COL28A1: variants seen among roughly 807,000 people sequenced by gnomAD.
COL28A1 encodes the protein collagen type XXVIII alpha 1 chain.
COL28A1 carries 161 observed loss-of-function variants against 150.2 expected under a neutral mutation model. That is an observed-to-expected ratio of 1.07 (90% CI 0.94 to 1.22). The LOEUF is 1.22. Ranked by LOEUF, COL28A1 falls within the 50% of genes most tolerant of loss-of-function variation. COL28A1 has a pLI of 0.00. For synonymous variants in COL28A1, 552 were observed against 469.7 expected (o/e 1.18, Z -2.26); for missense variants, 1,617 against 1,388.3 (o/e 1.16, Z -2.62).
At chr7:7,389,425 T>C (rs1373269097) in intron 27 of COL28A1, among the ~76,000 whole-genome samples, 11 of 152,204 alleles carry the variant, frequency 7.2e-5, no homozygotes, top group Non-Finnish European at 1.5e-4. Context: ...TGAAGTCAGG[T>C]AGCGTAATCC....
chr7:7,501,198 T>C (rs765488618), intron 11 of COL28A1, among the ~76,000 whole-genome samples: 6 of 152,192 alleles, frequency 3.9e-5, no homozygotes, highest in Non-Finnish European at 5.9e-5. Context: ...TTAGGACAAA[T>C]ATCCTGCAGG....
intron 4 of COL28A1, among the ~76,000 whole-genome samples, chr7:7,522,893 G>A (rs1054660874): frequency 2.0e-5 from 3 of 148,722 alleles, no homozygotes; most frequent in East Asian, 2.0e-4. Context: ...GTGTTGGTCC[G>A]CATTCAAAGT....
intron 27 of COL28A1, among the ~76,000 whole-genome samples, chr7:7,388,039 A>G (rs1782295264): frequency 6.6e-6 from 1 of 151,852 alleles, no homozygotes; most frequent in Non-Finnish European, 1.5e-5. Flanking sequence ...TTTAAATTAT[A>G]ATTTCTGGGG....
chr7:7,424,428 C>T (rs759532225), intron 25 of COL28A1, among the ~76,000 whole-genome samples: 1 of 152,092 alleles, frequency 6.6e-6, no homozygotes, highest in Non-Finnish European at 1.5e-5. Flanking sequence ...TAAGGCAGCA[C>T]CGTAGGTACC....
rs891527937 is a variant in COL28A1, at chr7:7,458,329, T to A, written c.1303-2217A>T. 9.9e-5 allele frequency among the ~76,000 whole-genome samples: 15 copies of A among 152,032 alleles called. No individual in the cohort carries two copies. In the East Asian group the frequency reaches 2.7e-3, roughly 28 times the overall value. The stretch of plus-strand genomic sequence containing the variant: ...TACTCAGGAGGCTAAGGCAGGAGAA[T>A]CATTTGAACCGGGGAGGTGAATGGT... On this transcript the variant is annotated intron_variant, in intron 15 of 34. Transcript: ENST00000399429.
At chr7:7,387,315 T>A (rs1301010010) in intron 27 of COL28A1, among the ~76,000 whole-genome samples, 1 of 152,018 alleles carries the variant, frequency 6.6e-6, no homozygotes, top group Non-Finnish European at 1.5e-5. Flanking sequence ...AACTGCATAC[T>A]AAAAAGAGTA....
chr7:7,459,639 C>T (rs1191079636), intron 15 of COL28A1, among the ~76,000 whole-genome samples: 1 of 152,208 alleles, frequency 6.6e-6, no homozygotes, highest in East Asian at 1.9e-4. Flanking sequence ...CTGTATCAGC[C>T]TCTAGTAGCT....
In COL28A1 at chr7:7,380,862, C is replaced by CCTTT; in HGVS notation, c.2206-4_2206-1dup (p.Gly736LysfsTer15). 6.2e-7 allele frequency: 1 copy of CCTTT among 1,611,714 alleles called. No homozygotes were observed. Among genetic ancestry groups the CCTTT allele is most frequent in the Non-Finnish European group, 8.5e-7 (1 of 1,177,852 alleles). ...ACATCGCCCCGTTCTCCGTGCTCTC[C>CCTTT]CTTTACACAATAGGGTAAAATGATA... On this transcript the variant is annotated frameshift_variant and splice_region_variant. Transcript: ENST00000399429. LOFTEE classifies it high-confidence loss of function.
chr7:7,507,006 T>A (rs1360661304), intron 10 of COL28A1, 111 bp downstream of exon 10: 4 of 662,852 alleles, frequency 6.0e-6, no homozygotes, highest in Non-Finnish European at 1.1e-5. Flanking sequence ...CTGGCTTCAA[T>A]CCCCAGACAT....
intron 15 of COL28A1, among the ~76,000 whole-genome samples, chr7:7,458,229 C>T (rs898774018): frequency 3.9e-5 from 6 of 152,058 alleles, no homozygotes; most frequent in Non-Finnish European, 8.8e-5. Context: ...CCAGCCTGAC[C>T]AACATGGAGA....
At chr7:7,395,174 T>A (rs1332668802) in intron 27 of COL28A1, among the ~76,000 whole-genome samples, 1 of 152,148 alleles carries the variant, frequency 6.6e-6, no homozygotes, top group Non-Finnish European at 1.5e-5. Flanking sequence ...GCTCCTGTAG[T>A]CCCAGCTACT....
intron 15 of COL28A1, among the ~76,000 whole-genome samples, chr7:7,464,068 G>T (rs918371677): frequency 1.3e-5 from 2 of 152,090 alleles, no homozygotes; most frequent in Non-Finnish European, 2.9e-5. Flanking sequence ...GATAAAGAAG[G>T]TCATTATATA....
upstream of COL28A1, among the ~76,000 whole-genome samples, chr7:7,536,142 G>A (rs1782627808): frequency 6.6e-6 from 1 of 152,062 alleles, no homozygotes; most frequent in Non-Finnish European, 1.5e-5. Context: ...TTGCCTGGGG[G>A]ATGTGCTCTA....
intron 33 of COL28A1, among the ~76,000 whole-genome samples, chr7:7,362,777 A>G (rs1300916181): frequency 6.6e-6 from 1 of 152,192 alleles, no homozygotes; most frequent in Non-Finnish European, 1.5e-5. Context: ...GTATGCAGAT[A>G]CAGCAATTTG....
At chr7:7,414,894 C>G (rs145093295) in intron 27 of COL28A1, among the ~76,000 whole-genome samples, 4 of 152,344 alleles carry the variant, frequency 2.6e-5, no homozygotes, top group African/African-American at 9.6e-5. Context: ...ATCCTCTATA[C>G]TCTCCAGAAC....
intron 18 of COL28A1, 28 bp downstream of exon 18, chr7:7,452,291 T>C (rs1335037709): frequency 6.3e-7 from 1 of 1,594,998 alleles, no homozygotes. Context: ...TAAAGTATCA[T>C]ATCACTTCTG....
At chr7:7,387,593 CAT>C (rs371558765) in intron 27 of COL28A1, among the ~76,000 whole-genome samples, 118 of 150,374 alleles carry the variant, frequency 7.8e-4, no homozygotes, top group Middle Eastern at 3.5e-3. Context: ...ATGACACAGA[CAT>C]ATATATATAT....
chr7:7,542,590 G>A, the COL28A1 span, among the ~76,000 whole-genome samples: 1 of 152,232 alleles, frequency 6.6e-6, no homozygotes, highest in East Asian at 1.9e-4. Context: ...AGGTCAGACT[G>A]TGATATGGAA....
At chr7:7,501,588 G>C (rs1238286638) in intron 11 of COL28A1, among the ~76,000 whole-genome samples, 1 of 152,234 alleles carries the variant, frequency 6.6e-6, no homozygotes, top group Non-Finnish European at 1.5e-5. Flanking sequence ...GGCAAACCCA[G>C]TGTTCCACTG....
Sources: gnomAD v4.1 joint callset for allele counts (sites outside exome capture counted in the v4.1 genomes callset) on GRCh38, gnomAD v4.1.1 for gene constraint, MANE v1.5 for transcripts, NCBI Gene and HGNC (gene_info 2026-07-23, HGNC 2026-07-21) for gene names.